The following TTC29 variants were observed in gnomAD, a reference collection of about 807,000 sequenced individuals.
TTC29 encodes the protein tetratricopeptide repeat protein 29.
A neutral mutation model predicts 58.1 loss-of-function variants in TTC29; 49 were observed. That is an observed-to-expected ratio of 0.84 (90% CI 0.67 to 1.07). TTC29 has a LOEUF of 1.07. Among genes scored for constraint, TTC29 ranks in the 50% least tolerant of loss-of-function variants. The pLI, the probability that TTC29 is intolerant of heterozygous loss-of-function variation, is 0.00. For synonymous variants in TTC29, 209 were observed against 196.8 expected, an observed-to-expected ratio of 1.06 and a Z score of -0.52; for missense variants, 582 against 555.6, an observed-to-expected ratio of 1.05 and a Z score of -0.48.
chr4:146,803,458 A>G lies in TTC29; in HGVS notation c.1329T>C (p.Thr443=). The change falls in exon 11 of 13, where the codon ACT becomes ACC. Residue 443 remains threonine (T), a splice_region_variant and synonymous_variant. Coordinates refer to ENST00000325106, the MANE Select transcript of TTC29 (RefSeq NM_031956.4). ...SRGNIEPDPV[T]EEFRGSTVEA... ...GTGTTCTAAAAACCAATGCCTTACCAGTAACTGGATCAGGTTCAATGTTAC... is the reference window on the plus strand; with the variant it reads ...GTGTTCTAAAAACCAATGCCTTACCGGTAACTGGATCAGGTTCAATGTTAC... 1 of 1,570,614 alleles carries G rather than the reference A, an allele frequency of 6.4e-7. No homozygotes were observed. The highest frequency in any genetic ancestry group is 8.7e-7 in the Non-Finnish European group (1 of 1,155,008).
intron 11 of TTC29, among the ~76,000 whole-genome samples, chr4:146,713,841 T>G (rs1177956063): frequency 6.6e-6 from 1 of 152,192 alleles, no homozygotes; most frequent in Non-Finnish European, 1.5e-5. Flanking sequence ...AGAATGATAC[T>G]GAATTTCTTT....
At chr4:146,713,450 T>C (rs376549315) in intron 11 of TTC29, among the ~76,000 whole-genome samples, 9 of 152,252 alleles carry the variant, frequency 5.9e-5, no homozygotes, top group Admixed American at 4.6e-4. Flanking sequence ...GGTAATATTT[T>C]TCTACATTTT....
chr4:146,714,239 T>A (rs1373588782), intron 11 of TTC29, among the ~76,000 whole-genome samples: 1 of 152,128 alleles, frequency 6.6e-6, no homozygotes, highest in Non-Finnish European at 1.5e-5. Context: ...CAGACATAGT[T>A]ATTAGAATTA....
intron 11 of TTC29, among the ~76,000 whole-genome samples, chr4:146,746,388 C>T (rs1174531425): frequency 1.3e-5 from 2 of 152,058 alleles, no homozygotes; most frequent in Admixed American, 1.3e-4. Flanking sequence ...TCCAAATATA[C>T]TTAGTACTGA....
intron 10 of TTC29, among the ~76,000 whole-genome samples, chr4:146,811,364 T>A (rs1751011757): frequency 6.6e-6 from 1 of 152,180 alleles, no homozygotes; most frequent in Non-Finnish European, 1.5e-5. Context: ...CCCCAAATCT[T>A]CTAAAAATCC....
At chr4:146,818,133 A>G (rs1293846233) in intron 10 of TTC29, among the ~76,000 whole-genome samples, 1 of 152,238 alleles carries the variant, frequency 6.6e-6, no homozygotes, top group African/African-American at 2.4e-5. Flanking sequence ...AACTACCATC[A>G]GAGTGAACAG....
At chr4:146,863,490 A>G (rs914423595) in intron 8 of TTC29, among the ~76,000 whole-genome samples, 4 of 152,234 alleles carry the variant, frequency 2.6e-5, no homozygotes, top group Admixed American at 1.3e-4. Context: ...GAGAAACAGA[A>G]GCAATAGGAT....
At chr4:146,932,462 G>A (rs1237421020) in intron 4 of TTC29, among the ~76,000 whole-genome samples, 1 of 152,160 alleles carries the variant, frequency 6.6e-6, no homozygotes, top group African/African-American at 2.4e-5. Context: ...GAATGAAGCA[G>A]AGGAAGAGCA....
chr4:146,920,156 T>C (rs550820606), intron 4 of TTC29, among the ~76,000 whole-genome samples: 2 of 151,274 alleles, frequency 1.3e-5, no homozygotes, highest in Non-Finnish European at 3.0e-5. Context: ...TGAAACTTTC[T>C]TTTGCAGAGT....
intron 10 of TTC29, among the ~76,000 whole-genome samples, chr4:146,819,113 A>AAAAT (rs148330537): frequency 5.9e-5 from 9 of 151,508 alleles, no homozygotes; most frequent in South Asian, 4.1e-4. Context: ...AACAATAATA[A>AAAAT]AAATAAATAA....
Position 146,932,884 on chromosome 4 carries a change from G to A in TTC29, c.176+4710C>T, listed in dbSNP as rs1002081939. Among the ~76,000 whole-genome samples the A allele has an allele frequency of 2.2e-4, 34 of 151,682 alleles. 1 individual carries two copies. Among genetic ancestry groups the A allele is most frequent in the East Asian group, 1.9e-4 (1 of 5,156 alleles). ...ATCCTGGCCAACATGGTGAAACCCC[G>A]TCTCTACTAAAAATACAAAAAAAAT... On this transcript the variant is annotated intron_variant, in intron 4 of 12. Transcript: ENST00000325106.
chr4:146,818,700 A>T (rs939532772), intron 10 of TTC29, among the ~76,000 whole-genome samples: 1 of 152,312 alleles, frequency 6.6e-6, no homozygotes, highest in African/African-American at 2.4e-5. Flanking sequence ...TCCAACAATG[A>T]TAGACTGGAT....
intron 11 of TTC29, among the ~76,000 whole-genome samples, chr4:146,748,068 T>G (rs768005232): frequency 3.9e-5 from 6 of 152,176 alleles, no homozygotes; most frequent in Non-Finnish European, 8.8e-5. Context: ...CATTCCAGGG[T>G]CCAGATTCCT....
At chr4:146,768,089 A>C (rs568088385) in intron 11 of TTC29, among the ~76,000 whole-genome samples, 13 of 152,192 alleles carry the variant, frequency 8.5e-5, no homozygotes, top group African/African-American at 3.1e-4. Flanking sequence ...GTCAGGAAGT[A>C]AAATAGCATT....
chr4:146,819,078 A>T (rs1268826916), intron 10 of TTC29, among the ~76,000 whole-genome samples: 1 of 151,986 alleles, frequency 6.6e-6, no homozygotes, highest in Non-Finnish European at 1.5e-5. Context: ...CACATTGTGC[A>T]CATGTACCCT....
intron 2 of TTC29, 63 bp downstream of exon 2, chr4:146,944,968 G>A (rs1736793081): frequency 6.6e-6 from 1 of 152,086 alleles, no homozygotes; most frequent in Non-Finnish European, 1.5e-5. Flanking sequence ...TGACATTGAT[G>A]GCTAAATCAC....
chr4:146,715,235 TGCAATCCA>T, intron 11 of TTC29, among the ~76,000 whole-genome samples: 1 of 152,144 alleles, frequency 6.6e-6, no homozygotes, highest in East Asian at 1.9e-4. Flanking sequence ...AGAACTATCA[TGCAATCCA>T]GCAATCCCAC....
chr4:146,807,263 C>T (rs919558290), intron 10 of TTC29, among the ~76,000 whole-genome samples: 8 of 152,106 alleles, frequency 5.3e-5, no homozygotes, highest in Admixed American at 4.6e-4. Flanking sequence ...ATTTATAGCA[C>T]TAAATGCCCA....
At chr4:146,930,073 ATG>A (rs1265892752) in intron 4 of TTC29, among the ~76,000 whole-genome samples, 23 of 107,580 alleles carry the variant, frequency 2.1e-4, no homozygotes, top group African/African-American at 6.6e-4. Flanking sequence ...ATATATTTGT[ATG>A]TGTGTGTGCA....
Sources: gnomAD v4.1 joint callset for allele counts (sites outside exome capture counted in the v4.1 genomes callset) on GRCh38, gnomAD v4.1.1 for gene constraint, MANE v1.5 for transcripts, NCBI Gene and HGNC (gene_info 2026-07-23, HGNC 2026-07-21) for gene names.